The following STOML1 variants were observed in gnomAD, a reference collection of about 807,000 sequenced individuals.
STOML1 encodes stomatin like 1.
A neutral mutation model predicts 35.7 loss-of-function variants in STOML1; 27 were observed. The observed-to-expected ratio is 0.76, with a 90% CI of 0.56 to 1.04. The LOEUF is 1.04. STOML1 is among the 50% of genes least tolerant of loss of function. STOML1 has a pLI of 0.00. For synonymous variants in STOML1, 219 were observed against 227.9 expected (o/e 0.96, Z 0.35); for missense variants, 451 against 527.1 (o/e 0.86, Z 1.41).
In STOML1 at chr15:73,983,186, C is replaced by T. The variant is rs537683582; in HGVS notation, c.*751G>A. ...TGGACCCTCCTAGCCCACCCCATGC[C>T]CCCAGGAGCCCCGCTTGGCTTCTTC... On this transcript the variant is annotated 3_prime_UTR_variant, in exon 7 of 7. Transcript: ENST00000541638. 6.6e-6 allele frequency: 1 copy of T among 152,370 alleles called. No homozygotes were observed. The highest frequency in any genetic ancestry group is 1.9e-4 in the East Asian group (1 of 5,180). The allele number at this position is 152,370 out of a possible 1,614,324, so 9.4% of individuals were successfully genotyped here.
In STOML1 at chr15:73,984,800, G is replaced by T. The variant is rs756220998; in HGVS notation, c.862C>A (p.Gln288Lys). Residue 288 changes from glutamine (Q) to lysine (K), a missense_variant, in exon 6 of 7, where the codon CAG becomes AAG. By Grantham distance (53) the Gln-to-Lys change is moderately conservative. Transcript: ENST00000541638. ...PQVGARSSPK[Q>K]PLAEGLLTAL... ...GTCAGTAGCCCCTCCGCCAGAGGCT[G>T]CTTCGGACTGGACCTGGCACCAACT... 3.7e-6 allele frequency: 6 copies of T among 1,614,154 alleles called. No homozygotes were observed. Among genetic ancestry groups the T allele is most frequent in the Non-Finnish European group, 5.1e-6 (6 of 1,180,032 alleles).
rs777889604 is a variant in STOML1 at position 73,990,346 on chromosome 15, C to T, written c.240+5G>A. ...CACCCTGGGGGCTGACCCAGCCAGCCTTACCTTCAGGGCAAACCAGCCAGA... is the reference window on the plus strand; with the variant it reads ...CACCCTGGGGGCTGACCCAGCCAGCTTTACCTTCAGGGCAAACCAGCCAGA... On this transcript the variant is annotated splice_donor_5th_base_variant and intron_variant, in intron 2 of 6. Coordinates refer to ENST00000541638, the MANE Select transcript of STOML1 (RefSeq NM_004809.5). 1 of 1,613,960 alleles carries T rather than the reference C, an allele frequency of 6.2e-7. No individual in the cohort carries two copies. Among genetic ancestry groups the T allele is most frequent in the Non-Finnish European group, 8.5e-7 (1 of 1,179,900 alleles).
chr15:73,985,335 G>C lies in STOML1; in HGVS notation c.773C>G (p.Ala258Gly). 1 of 1,540,508 alleles carries C rather than the reference G, an allele frequency of 6.5e-7. No homozygotes were observed. The highest frequency in any genetic ancestry group is 8.7e-7 in the Non-Finnish European group (1 of 1,149,566). The part of the protein sequence containing the change: ...GGSMNSMAGG[A>G]PSPGPADTVE... ...CTCCTCACCTGGCCCCGGGGACGGG[G>C]CACCTCCTGCCATTGAGTTCATGCT... The change falls in exon 5 of 7, where the codon GCC becomes GGC. Residue 258 changes from alanine to glycine, a missense_variant. Transcript: ENST00000541638.
At chr15:73,991,053 A>T in intron 1 of STOML1, 1 of 1,338,804 alleles carries the variant, frequency 7.5e-7, no homozygotes, top group South Asian at 2.1e-5. Flanking sequence ...ACCATTAAAA[A>T]ATGCCTATTT....
chr15:73,987,766 G>C (rs2069141903), intron 4 of STOML1: 1 of 152,248 alleles, frequency 6.6e-6, no homozygotes, highest in South Asian at 2.1e-4. Flanking sequence ...TGCTGGGCCA[G>C]ACAAAAGGAC....
At chr15:73,989,341 TCTC>T (rs2069195450) in intron 2 of STOML1, 84 bp from the exon 3 acceptor site, 2 of 1,392,504 alleles carry the variant, frequency 1.4e-6, no homozygotes, top group Non-Finnish European at 1.9e-6. Context: ...TCCTCACTTC[TCTC>T]CTCCTCACCT....
chr15:73,991,661 A>G (rs1414974564), intron 1 of STOML1: 2 of 463,322 alleles, frequency 4.3e-6, no homozygotes, highest in Non-Finnish European at 8.6e-6. Context: ...GGAGATGCCT[A>G]GTTCCCGGGC....
At position 73,992,080 on chromosome 15, in the gene STOML1, C is replaced by T. The variant is rs748998117; in HGVS notation, c.133+11G>A. On this transcript the variant is annotated intron_variant, in intron 1 of 6. Transcript: ENST00000541638. ...TCCCCCCCGGCTCCGCCGTGCCAGG[C>T]GGCCACTCACCGGCCCCTGTCCCCA... The T allele has an allele frequency of 1.9e-6, 3 of 1,570,634 alleles. No homozygotes were observed. The highest frequency in any genetic ancestry group is 2.4e-5 in the East Asian group (1 of 42,194).
chr15:73,992,415 G>T, upstream of STOML1: 1 of 532,366 alleles, frequency 1.9e-6, no homozygotes, highest in Non-Finnish European at 2.9e-6. Context: ...TGCGCTGGGA[G>T]GACCGAACTG....
rs2069197085 is a variant in STOML1 at position 73,989,404 on chromosome 15, G to T, written c.241-147C>A. 4 of 955,776 alleles carry T rather than the reference G, an allele frequency of 4.2e-6. No individual in the cohort carries two copies. The East Asian group carries it at 1.2e-4, about 27-fold the overall frequency. The allele number at this position is 955,776 out of a possible 1,614,324, so 59.2% of individuals were successfully genotyped here. The stretch of plus-strand genomic sequence containing the variant: ...ACTGTTTCCAGATGAGAAAACCAAG[G>T]CTCAGGGAAGCTAAGTGACTGCTCA... On this transcript the variant is annotated intron_variant, in intron 2 of 6. Coordinates refer to ENST00000541638, the MANE Select transcript of STOML1 (RefSeq NM_004809.5).
At chr15:73,992,871 CCTT>C (rs1363772445), upstream of STOML1, among the ~76,000 whole-genome samples, 1 of 152,168 alleles carries the variant, frequency 6.6e-6, no homozygotes, top group African/African-American at 2.4e-5. Context: ...TCTCAGCACT[CCTT>C]CTCTCACACT....
chr15:73,984,247 G>A (rs1329562289), intron 6 of STOML1, 117 bp from the exon 7 acceptor site: 2 of 1,121,476 alleles, frequency 1.8e-6, no homozygotes. Context: ...TTAAGAGTTT[G>A]GGTTCTAATA....
rs1439318951 is a variant in STOML1, at chr15:73,979,379, TCTCA to T, written c.*4554_*4557del. 7 of 152,084 alleles carry T rather than the reference TCTCA, an allele frequency of 4.6e-5. No homozygotes were observed. Among genetic ancestry groups the T allele is most frequent in the African/African-American group, 1.7e-4 (7 of 41,404 alleles). The allele number at this position is 152,084 out of a possible 1,614,324, so 9.4% of individuals were successfully genotyped here. On this transcript the variant is annotated 3_prime_UTR_variant, in exon 7 of 7. Coordinates refer to ENST00000541638, the MANE Select transcript of STOML1 (RefSeq NM_004809.5). ...TTATTTATTTAATTTTGAGATGGAGTCTCACTCTGTTGCCCAGGCTAAAGTGCAG... is the reference window on the plus strand; with the variant it reads ...TTATTTATTTAATTTTGAGATGGAGTCTCTGTTGCCCAGGCTAAAGTGCAG...
Position 73,980,461 on chromosome 15 carries a change from G to A in STOML1, c.*3476C>T, listed in dbSNP as rs1186577957. ...TCCTATGTAAGTACAAGAAAGCACA[G>A]GGAAAGGCTGTCTGTGGTAACATGG... On this transcript the variant is annotated 3_prime_UTR_variant, in exon 7 of 7. Transcript: ENST00000541638. The A allele has an allele frequency of 1.3e-5, 2 of 152,204 alleles. No individual in the cohort carries two copies. Among genetic ancestry groups the A allele is most frequent in the Non-Finnish European group, 2.9e-5 (2 of 68,040 alleles). The allele number at this position is 152,204 out of a possible 1,614,324, so 9.4% of individuals were successfully genotyped here.
chr15:73,990,550 C>T, intron 1 of STOML1, 93 bp from the exon 2 acceptor site: 1 of 1,155,752 alleles, frequency 8.7e-7, no homozygotes, highest in Non-Finnish European at 1.2e-6. Flanking sequence ...CCACCTTCCC[C>T]TCGAGAGGCT....
chr15:73,988,257 G>A lies in STOML1; in HGVS notation c.594+342C>T. 1 of 256,858 alleles carries A rather than the reference G, an allele frequency of 3.9e-6. No individual in the cohort carries two copies. The highest frequency in any genetic ancestry group is 7.7e-6 in the Non-Finnish European group (1 of 130,504). 15.9% of individuals were successfully genotyped at this position (256,858 alleles called of 1,614,324 possible). A position where few individuals can be genotyped will look rare whatever the true frequency, so the allele number is the denominator to read the frequency against. ...AGGGTCCCTGCTCCATCACCCATCT[G>A]CCTGCCCCATGAGTCAGGCCCGGAA... On this transcript the variant is annotated intron_variant, in intron 4 of 6. Coordinates refer to ENST00000541638, the MANE Select transcript of STOML1 (RefSeq NM_004809.5). This position sits in a 1 kb window ranked among gnomAD's most constrained non-coding sequence, Gnocchi z 4.8.
Position 73,992,083 on chromosome 15 carries a change from C to T in STOML1, c.133+8G>A. The T allele has an allele frequency of 1.3e-6, 2 of 1,575,210 alleles. No individual in the cohort carries two copies. Among genetic ancestry groups the T allele is most frequent in the Non-Finnish European group, 8.6e-7 (1 of 1,162,852 alleles). ...CCCCCGGCTCCGCCGTGCCAGGCGG[C>T]CACTCACCGGCCCCTGTCCCCACGC... On this transcript the variant is annotated splice_region_variant and intron_variant, in intron 1 of 6. Coordinates refer to ENST00000541638, the MANE Select transcript of STOML1 (RefSeq NM_004809.5).
intron 2 of STOML1, 90 bp from the exon 3 acceptor site, chr15:73,989,347 C>A (rs147713308): frequency 7.3e-7 from 1 of 1,378,440 alleles, no homozygotes; most frequent in Non-Finnish European, 9.5e-7. Context: ...CTTCTCTCCT[C>A]CTCACCTGGG....
At chr15:73,989,311 T>A in intron 2 of STOML1, 54 bp from the exon 3 acceptor site, 1 of 1,498,678 alleles carries the variant, frequency 6.7e-7, no homozygotes, top group Non-Finnish European at 9.0e-7. Context: ...GGCTGGCCAA[T>A]GCTGTCTGCC....
Sources: allele counts gnomAD v4.1 joint callset (sites outside exome capture counted in the v4.1 genomes callset), GRCh38; gene constraint gnomAD v4.1.1; non-coding constraint Gnocchi (gnomAD v3.1); transcripts MANE v1.5; gene names NCBI Gene and HGNC (gene_info 2026-07-23, HGNC 2026-07-21).